SERINC1: variants seen among roughly 807,000 people sequenced by gnomAD.
SERINC1 encodes the protein serine incorporator 1.
In SERINC1, 38 loss-of-function variants were observed where a neutral mutation model predicts 52.9. The ratio of observed to expected loss-of-function variants is 0.72; its 90% CI spans 0.55 to 0.94. The LOEUF (loss-of-function observed/expected upper bound fraction) is 0.94, where lower values mean the gene tolerates loss of function less well. Ranked by LOEUF, SERINC1 falls within the 40% of genes least tolerant of loss-of-function variation. The pLI is 0.00. For missense variants in SERINC1, 471 were observed against 533.9 expected (o/e 0.88, Z 1.16); for synonymous variants, 198 against 183.1 (o/e 1.08, Z -0.66).
rs1774702427 is a variant in SERINC1 at position 122,443,468 on chromosome 6, T to C, written c.*1576A>G. On this transcript the variant is annotated 3_prime_UTR_variant, in exon 10 of 10. Coordinates refer to ENST00000339697, the MANE Select transcript of SERINC1 (RefSeq NM_020755.4). ...CTGAATTGTTATATTCCATTCACAT[T>C]AATAAATATTTTTAAAGAAGAAATT... 6.6e-6 allele frequency: 1 copy of C among 152,200 alleles called. No individual in the cohort carries two copies. The highest frequency in any genetic ancestry group is 2.1e-4 in the South Asian group (1 of 4,832). 9.4% of individuals were successfully genotyped at this position (152,200 alleles called of 1,614,324 possible). A position where few individuals can be genotyped will look rare whatever the true frequency, so the allele number is the denominator to read the frequency against.
chr6:122,448,224 A>T (rs1774841539), intron 7 of SERINC1, among the ~76,000 whole-genome samples: 1 of 152,128 alleles, frequency 6.6e-6, no homozygotes, highest in Non-Finnish European at 1.5e-5. Context: ...AATGATTCTT[A>T]CCTTAAAGCC....
intron 3 of SERINC1, 71 bp from the exon 4 acceptor site, chr6:122,454,301 A>G: frequency 1.3e-6 from 1 of 779,826 alleles, no homozygotes; most frequent in Non-Finnish European, 2.1e-6. Context: ...GAAATCATTT[A>G]ACTGCATCTT....
chr6:122,469,283 TA>T (rs1346331789), intron 1 of SERINC1, among the ~76,000 whole-genome samples: 1 of 152,180 alleles, frequency 6.6e-6, no homozygotes, highest in African/African-American at 2.4e-5. Context: ...AAACTTGTAC[TA>T]ATTAAGAATG....
chr6:122,458,456 T>C (rs1384055748), intron 2 of SERINC1, 64 bp downstream of exon 2: 6 of 1,109,002 alleles, frequency 5.4e-6, no homozygotes, highest in Non-Finnish European at 7.9e-6. Flanking sequence ...CCCGAATCAA[T>C]TTTATACATA....
At chr6:122,465,653 T>A (rs1775178235) in intron 1 of SERINC1, among the ~76,000 whole-genome samples, 1 of 152,020 alleles carries the variant, frequency 6.6e-6, no homozygotes, top group Non-Finnish European at 1.5e-5. Flanking sequence ...AGCTGACAAG[T>A]CCTACACCAA....
At position 122,451,776 on chromosome 6, in the gene SERINC1, A is replaced by AAAATAT; in HGVS notation, c.760-23_760-22insATATTT. 66 of 112,944 alleles carry AAAATAT rather than the reference A, an allele frequency of 5.8e-4. 1 individual carries two copies. Among genetic ancestry groups the AAAATAT allele is most frequent in the Non-Finnish European group, 7.2e-4 (53 of 73,298 alleles). 7.0% of individuals were successfully genotyped at this position (112,944 alleles called of 1,614,324 possible). On this transcript the variant is annotated intron_variant, in intron 6 of 9. Transcript: ENST00000339697. ...ATTCCTACAAAAAAAAAAAAAAAAAAATATATATATATATATATAGCAACA... is the reference window on the plus strand; with the variant it reads ...ATTCCTACAAAAAAAAAAAAAAAAAAAAATATATATATATATATATATATAGCAACA...
chr6:122,448,565 A>G (rs1774848555), intron 7 of SERINC1, among the ~76,000 whole-genome samples: 1 of 152,148 alleles, frequency 6.6e-6, no homozygotes, highest in Non-Finnish European at 1.5e-5. Context: ...AATAAGATGC[A>G]TTACAAAGCC....
chr6:122,465,020 G>A (rs1775163337), intron 1 of SERINC1, among the ~76,000 whole-genome samples: 1 of 151,900 alleles, frequency 6.6e-6, no homozygotes, highest in South Asian at 2.1e-4. Context: ...AAAAAATAAA[G>A]GTTTGGGGTT....
At chr6:122,469,063 G>C (rs1443233962) in intron 1 of SERINC1, among the ~76,000 whole-genome samples, 1 of 152,044 alleles carries the variant, frequency 6.6e-6, no homozygotes, top group Non-Finnish European at 1.5e-5. Flanking sequence ...AGACAACCAT[G>C]CATGAATAAA....
intron 1 of SERINC1, among the ~76,000 whole-genome samples, chr6:122,465,501 G>C (rs520867): frequency 0.7 from 106,211 of 152,070 alleles, 37,241 homozygotes; most frequent in South Asian, 0.78. Flanking sequence ...CATTCTTTCC[G>C]TCACTTGCCT....
chr6:122,445,510 G>A (rs1401118759), intron 9 of SERINC1, among the ~76,000 whole-genome samples: 2 of 152,000 alleles, frequency 1.3e-5, no homozygotes, highest in African/African-American at 4.8e-5. Flanking sequence ...TATTACATAA[G>A]ATTGTTCAAG....
chr6:122,464,311 G>A (rs1345972730), intron 1 of SERINC1, among the ~76,000 whole-genome samples: 2 of 152,012 alleles, frequency 1.3e-5, no homozygotes, highest in African/African-American at 4.8e-5. Context: ...CTAAATAAAT[G>A]AATTAAAGGA....
At chr6:122,467,725 T>C (rs1775212158) in intron 1 of SERINC1, among the ~76,000 whole-genome samples, 1 of 152,226 alleles carries the variant, frequency 6.6e-6, no homozygotes, top group South Asian at 2.1e-4. Flanking sequence ...AACTAACATG[T>C]AAGTGCTTGC....
In SERINC1 at chr6:122,451,974, T is replaced by A; in HGVS notation, c.673A>T (p.Ser225Cys). The A allele has an allele frequency of 6.3e-7, 1 of 1,598,990 alleles. No homozygotes were observed. Among genetic ancestry groups the A allele is most frequent in the Non-Finnish European group, 8.5e-7 (1 of 1,173,068 alleles). ...LFFVYYTHPASCSENKAFISV... is the reference protein window; with the variant it reads ...LFFVYYTHPACCSENKAFISV... ...ATGAACGCCTTGTTTTCTGAACAAC[T>A]GGCTGGATGAGTGTAGTAGACAAAG... Residue 225 changes from serine to cysteine, a missense_variant, in exon 6 of 10, where the codon AGT (serine) becomes TGT (cysteine). Ser to Cys is a moderately radical substitution (Grantham distance 112). Coordinates refer to ENST00000339697, the MANE Select transcript of SERINC1 (RefSeq NM_020755.4).
chr6:122,458,700 T>C lies in SERINC1; in HGVS notation c.40-19A>G. 2.6e-6 allele frequency: 4 copies of C among 1,531,678 alleles called. No homozygotes were observed. Among genetic ancestry groups the C allele is most frequent in the Non-Finnish European group, 2.7e-6 (3 of 1,118,152 alleles). 94.9% of individuals were successfully genotyped at this position (1,531,678 alleles called of 1,614,324 possible). A position where few individuals can be genotyped will look rare whatever the true frequency, so the allele number is the denominator to read the frequency against. The stretch of plus-strand genomic sequence containing the variant: ...ATGGTATCTGGGAAAAAGAATATTA[T>C]TGAAAATATTATTAAGAATCAGTAA... On this transcript the variant is annotated intron_variant, in intron 1 of 9. Transcript: ENST00000339697.
chr6:122,451,776 A>AAAAAAAAATATATATATAT lies in SERINC1; in HGVS notation c.760-23_760-22insATATATATATATTTTTTTT. On this transcript the variant is annotated intron_variant, in intron 6 of 9. Coordinates refer to ENST00000339697, the MANE Select transcript of SERINC1 (RefSeq NM_020755.4). Reference sequence around the variant, plus strand: ...ATTCCTACAAAAAAAAAAAAAAAAAAATATATATATATATATATAGCAACA... The same window carrying AAAAAAAAATATATATATAT: ...ATTCCTACAAAAAAAAAAAAAAAAAAAAAAAAAATATATATATATATATATATATATATATATAGCAACA... 7.1e-5 allele frequency: 8 copies of AAAAAAAAATATATATATAT among 113,070 alleles called. No individual in the cohort carries two copies. In the East Asian group the frequency reaches 1.3e-3, roughly 19 times the overall value. 7.0% of individuals were successfully genotyped at this position (113,070 alleles called of 1,614,324 possible). A position where few individuals can be genotyped will look rare whatever the true frequency, so the allele number is the denominator to read the frequency against.
At chr6:122,471,653 T>C in intron 1 of SERINC1, 46 bp downstream of exon 1, 1 of 1,613,512 alleles carries the variant, frequency 6.2e-7, no homozygotes, top group Non-Finnish European at 8.5e-7. Context: ...CGCCTTCTCT[T>C]TGGTCTCTCA....
intron 1 of SERINC1, among the ~76,000 whole-genome samples, chr6:122,466,023 G>A (rs964559111): frequency 3.7e-4 from 56 of 152,110 alleles, no homozygotes; most frequent in African/African-American, 1.3e-3. Context: ...ATCACTTGAG[G>A]TCAGGAGTTC....
At chr6:122,466,065 C>A (rs748162661) in intron 1 of SERINC1, among the ~76,000 whole-genome samples, 1 of 151,946 alleles carries the variant, frequency 6.6e-6, no homozygotes, top group Non-Finnish European at 1.5e-5. Context: ...GTGAAACAGT[C>A]TCTACTAAAA....
Sources: allele counts gnomAD v4.1 joint callset (sites outside exome capture counted in the v4.1 genomes callset), GRCh38; gene constraint gnomAD v4.1.1; transcripts MANE v1.5; gene names NCBI Gene and HGNC (gene_info 2026-07-23, HGNC 2026-07-21).